The following RIMS1 variants were observed in gnomAD, a reference collection of about 807,000 sequenced individuals.
RIMS1 encodes regulating synaptic membrane exocytosis protein 1.
In RIMS1, 83 loss-of-function variants were observed where a neutral mutation model predicts 214.1. The observed-to-expected ratio is 0.39, with a 90% confidence interval of 0.32 to 0.47. The LOEUF (loss-of-function observed/expected upper bound fraction) is 0.47. Among genes scored for constraint, RIMS1 ranks in the 20% least tolerant of loss-of-function variants. The pLI is 0.99. For synonymous variants in RIMS1, 793 were observed against 786.8 expected, an observed-to-expected ratio of 1.01 and a Z score of -0.13; for missense variants, 2,050 against 2,161.8, an observed-to-expected ratio of 0.95 and a Z score of 1.03.
intron 22 of RIMS1, among the ~76,000 whole-genome samples, chr6:72,270,319 A>T (rs1219000436): frequency 6.6e-6 from 1 of 152,256 alleles, no homozygotes; most frequent in African/African-American, 2.4e-5. Flanking sequence ...ATTAGAACAG[A>T]CAATAAAAAT....
Position 72,252,819 on chromosome 6 carries a change from C to T in RIMS1, c.2757C>T (p.Gly919=), listed in dbSNP as rs764335105. 5.4e-5 allele frequency: 84 copies of T among 1,555,424 alleles called. No individual in the cohort carries two copies. Among genetic ancestry groups the T allele is most frequent in the Middle Eastern group, 1.7e-4 (1 of 6,012 alleles). Residue 919 remains glycine, a synonymous_variant, in exon 16 of 34, where the codon GGC becomes GGT. Coordinates refer to ENST00000521978, the MANE Select transcript of RIMS1 (RefSeq NM_014989.7). ...ISDYEVDDGI[G]VVPPVGYRSS... is the part of the protein sequence containing the mutation. ...ATTATGAGGTTGATGATGGTATTGGCGTAGTTCCTCCAGGTGCGTGGGTGA... is the reference window on the plus strand; with the variant it reads ...ATTATGAGGTTGATGATGGTATTGGTGTAGTTCCTCCAGGTGCGTGGGTGA...
intron 4 of RIMS1, among the ~76,000 whole-genome samples, chr6:72,151,507 C>A (rs1323289110): frequency 6.6e-6 from 1 of 152,160 alleles, no homozygotes; most frequent in Non-Finnish European, 1.5e-5. Context: ...TAACAATAAT[C>A]TGATAGGGAA....
intron 1 of RIMS1, among the ~76,000 whole-genome samples, chr6:71,943,283 G>A (rs992617564): frequency 6.6e-6 from 1 of 152,030 alleles, no homozygotes; most frequent in African/African-American, 2.4e-5. Flanking sequence ...CCATTATACT[G>A]GTGATCAATC....
chr6:72,360,009 G>A (rs1473483538), intron 29 of RIMS1, among the ~76,000 whole-genome samples: 1 of 152,176 alleles, frequency 6.6e-6, no homozygotes, highest in African/African-American at 2.4e-5. Flanking sequence ...AACACAAGTT[G>A]TATAAAATTT....
chr6:72,324,070 A>AGAT lies in RIMS1; in HGVS notation c.4131-9529_4131-9527dup, dbSNP rs1169062226. Among the ~76,000 whole-genome samples, 10 of 152,016 alleles carry AGAT rather than the reference A, an allele frequency of 6.6e-5. No homozygotes were observed. The East Asian group carries it at 1.9e-3, about 29-fold the overall frequency. ...TAGATAGATAGATAGATAGATAGAT[A>AGAT]GATAGATAGAGAACAAAGAGAATTC... On this transcript the variant is annotated intron_variant, in intron 28 of 33. Transcript: ENST00000521978.
chr6:72,369,096 A>C (rs778077961), intron 29 of RIMS1, among the ~76,000 whole-genome samples: 8 of 150,094 alleles, frequency 5.3e-5, no homozygotes, highest in Non-Finnish European at 1.2e-4. Context: ...AGCACAGTAA[A>C]TGTTATGGTA....
chr6:71,980,449 G>T (rs940400187), intron 2 of RIMS1, among the ~76,000 whole-genome samples: 2 of 152,044 alleles, frequency 1.3e-5, no homozygotes, highest in Non-Finnish European at 2.9e-5. Flanking sequence ...CAGGCAAGGG[G>T]GACATTGAAT....
At position 72,063,914 on chromosome 6, in the gene RIMS1, G is replaced by A. The variant is rs527400278; in HGVS notation, c.246-33035G>A. On this transcript the variant is annotated intron_variant, in intron 2 of 33. Transcript: ENST00000521978. ...GTTCCTTCTGAGGCCTCATTGGCTTGTAGATCACTATCTTTTCCCTGTGTT... is the reference window on the plus strand; with the variant it reads ...GTTCCTTCTGAGGCCTCATTGGCTTATAGATCACTATCTTTTCCCTGTGTT... Among the ~76,000 whole-genome samples, 3 of 152,292 alleles carry A rather than the reference G, an allele frequency of 2.0e-5. No individual in the cohort carries two copies. The East Asian group carries it at 5.8e-4, about 30-fold the overall frequency.
At chr6:72,276,569 T>C (rs891715830) in intron 23 of RIMS1, among the ~76,000 whole-genome samples, 17 of 152,022 alleles carry the variant, frequency 1.1e-4, no homozygotes, top group Non-Finnish European at 2.4e-4. Context: ...TATTATTAAA[T>C]ACATAATTTT....
At chr6:71,998,367 G>A (rs780666247) in intron 2 of RIMS1, among the ~76,000 whole-genome samples, 3 of 152,034 alleles carry the variant, frequency 2.0e-5, no homozygotes, top group African/African-American at 4.8e-5. Context: ...CTAGAGCAGC[G>A]CTAGAGCAGC....
intron 29 of RIMS1, among the ~76,000 whole-genome samples, chr6:72,355,099 TTAAC>T (rs745337396): frequency 6.6e-6 from 1 of 152,214 alleles, no homozygotes; most frequent in Non-Finnish European, 1.5e-5. Flanking sequence ...TTTTGTATAC[TTAAC>T]TAAAGTTTTA....
chr6:72,313,953 A>G (rs1195898969), intron 28 of RIMS1, among the ~76,000 whole-genome samples: 1 of 152,206 alleles, frequency 6.6e-6, no homozygotes, highest in East Asian at 1.9e-4. Flanking sequence ...CAGAAAGTGT[A>G]TTCTTTAAAG....
intron 1 of RIMS1, among the ~76,000 whole-genome samples, chr6:71,941,744 T>C (rs1455150091): frequency 1.3e-5 from 2 of 152,192 alleles, no homozygotes; most frequent in Non-Finnish European, 2.9e-5. Flanking sequence ...AAAACTTGGC[T>C]TGAATTGTCT....
chr6:72,276,669 ATTAT>A (rs1176981380), intron 23 of RIMS1, among the ~76,000 whole-genome samples: 1 of 152,140 alleles, frequency 6.6e-6, no homozygotes, highest in Non-Finnish European at 1.5e-5. Context: ...TCTTGATACT[ATTAT>A]TTATTACTAT....
At chr6:72,283,588 C>G (rs189427868) in intron 23 of RIMS1, among the ~76,000 whole-genome samples, 1 of 151,782 alleles carries the variant, frequency 6.6e-6, no homozygotes. Context: ...TTGTGGGGGA[C>G]AAATCAAAAA....
intron 6 of RIMS1, among the ~76,000 whole-genome samples, chr6:72,192,391 G>C (rs750906510): frequency 6.6e-6 from 1 of 152,168 alleles, no homozygotes; most frequent in Non-Finnish European, 1.5e-5. Flanking sequence ...ATAAATTGTC[G>C]ATAGTGTAGT....
chr6:72,380,261 G>C (rs1017709824), intron 29 of RIMS1, among the ~76,000 whole-genome samples: 1 of 152,142 alleles, frequency 6.6e-6, no homozygotes, highest in Non-Finnish European at 1.5e-5. Flanking sequence ...GTGGAAGGAT[G>C]GGGGAGGGAT....
At chr6:72,363,001 C>G (rs965341003) in intron 29 of RIMS1, among the ~76,000 whole-genome samples, 1 of 152,100 alleles carries the variant, frequency 6.6e-6, no homozygotes, top group African/African-American at 2.4e-5. Flanking sequence ...TATAATGTAA[C>G]AAGAAAACAG....
At chr6:72,227,042 A>G (rs991325113) in intron 6 of RIMS1, among the ~76,000 whole-genome samples, 6 of 152,066 alleles carry the variant, frequency 3.9e-5, no homozygotes, top group Non-Finnish European at 8.8e-5. Flanking sequence ...TGCACCTAAT[A>G]TGGCAGATTT....
Sources: allele counts gnomAD v4.1 joint callset (sites outside exome capture counted in the v4.1 genomes callset), GRCh38; gene constraint gnomAD v4.1.1; transcripts MANE v1.5; gene names NCBI Gene and HGNC (gene_info 2026-07-23, HGNC 2026-07-21).